Variants in CELF2 observed in about 807,000 individuals in gnomAD.
CELF2 encodes CUG triplet repeat RNA-binding protein 2.
Under a neutral mutation model 62.6 loss-of-function variants are expected in CELF2, and 8 were observed. The observed-to-expected ratio is 0.13, with a 90% CI of 0.07 to 0.23. The LOEUF (loss-of-function observed/expected upper bound fraction) is 0.23. Among genes scored for constraint, CELF2 ranks in the 10% least tolerant of loss-of-function variants. The pLI is 1.00. For missense variants in CELF2, 333 were observed against 671.0 expected (o/e 0.50, Z 5.56); for synonymous variants, 258 against 250.0 (o/e 1.03, Z -0.30).
intron 7 of CELF2, among the ~76,000 whole-genome samples, chr10:11,272,564 C>T (rs369261205): frequency 6.5e-4 from 99 of 152,342 alleles, no homozygotes; most frequent in African/African-American, 2.1e-3. Flanking sequence ...CAGAAATCTC[C>T]GGCACATGTT....
intron 2 of CELF2, among the ~76,000 whole-genome samples, chr10:11,193,436 G>C (rs1213084726): frequency 1.3e-5 from 2 of 152,180 alleles, no homozygotes; most frequent in African/African-American, 2.4e-5. Flanking sequence ...ACATTTAAAT[G>C]AGTACAGAAG....
rs570211496 is a variant in CELF2, at chr10:10,995,049, G to A, written c.89+75050G>A. Among the ~76,000 whole-genome samples the A allele has an allele frequency of 6.4e-4, 98 of 152,192 alleles. 1 individual carries two copies. Among genetic ancestry groups the A allele is most frequent in the African/African-American group, 1.5e-3 (64 of 41,532 alleles). Reference sequence around the variant, plus strand: ...ACCTGCCCTTCCTTGGAGCTCTTGCGGCCCATAAAATCCCACAGCATTAGA... The same window carrying A: ...ACCTGCCCTTCCTTGGAGCTCTTGCAGCCCATAAAATCCCACAGCATTAGA... On this transcript the variant is annotated intron_variant, in intron 2 of 13. Coordinates refer to the CELF2 transcript ENST00000636488. The surrounding 1 kb of genome is among the most constrained non-coding windows in gnomAD (Gnocchi z 4.7).
At chr10:10,629,401 C>T in the CELF2 span, among the ~76,000 whole-genome samples, 1 of 152,190 alleles carries the variant, frequency 6.6e-6, no homozygotes, top group Non-Finnish European at 1.5e-5. Flanking sequence ...CACCCCTATT[C>T]TTGAAGCCCA....
chr10:10,780,284 T>A, the CELF2 span, among the ~76,000 whole-genome samples: 918 of 152,288 alleles, frequency 6.0e-3, 5 homozygotes, highest in Middle Eastern at 0.014. Context: ...TCTGTGCATA[T>A]GACTATCTGG....
the CELF2 span, among the ~76,000 whole-genome samples, chr10:10,767,662 T>C: frequency 6.6e-6 from 1 of 152,216 alleles, no homozygotes; most frequent in Non-Finnish European, 1.5e-5. Context: ...TATGAATCAC[T>C]TCATCTTCAG....
chr10:10,657,704 C>T, the CELF2 span, among the ~76,000 whole-genome samples: 36 of 152,030 alleles, frequency 2.4e-4, no homozygotes, highest in African/African-American at 8.7e-4. Flanking sequence ...AAGGAGGGGC[C>T]CAAGGATTTG....
intron 1 of CELF2, among the ~76,000 whole-genome samples, chr10:11,124,867 A>G (rs1260701243): frequency 1.3e-5 from 2 of 152,314 alleles, no homozygotes; most frequent in East Asian, 3.8e-4. Flanking sequence ...TGATTCACAT[A>G]TGCTTATATA....
chr10:10,945,663 G>A (rs1416399923), intron 2 of CELF2, among the ~76,000 whole-genome samples: 2 of 152,172 alleles, frequency 1.3e-5, no homozygotes, highest in Non-Finnish European at 2.9e-5. Context: ...AGAGCTCCGG[G>A]AGCCCCTCTC....
At chr10:11,018,829 C>T (rs1047054371) in intron 1 of CELF2, 1 of 152,180 alleles carries the variant, frequency 6.6e-6, no homozygotes, top group African/African-American at 2.4e-5. Flanking sequence ...ATTACCCGCT[C>T]ATCTGATTTA....
At chr10:11,114,699 T>C (rs911029690) in intron 1 of CELF2, among the ~76,000 whole-genome samples, 3 of 152,236 alleles carry the variant, frequency 2.0e-5, no homozygotes, top group African/African-American at 4.8e-5. Flanking sequence ...CACAGCACTT[T>C]AGTTCTTTTG....
At chr10:10,982,353 A>G (rs1339976925) in intron 2 of CELF2, among the ~76,000 whole-genome samples, 1 of 152,100 alleles carries the variant, frequency 6.6e-6, no homozygotes, top group Non-Finnish European at 1.5e-5. Context: ...TCTTACAGTT[A>G]CCCCAAACCC....
chr10:10,751,169 C>T, the CELF2 span, among the ~76,000 whole-genome samples: 2 of 152,178 alleles, frequency 1.3e-5, no homozygotes, highest in African/African-American at 2.4e-5. Context: ...GGGAGCAAAA[C>T]CTTTCTGGGA....
chr10:11,276,350 G>A (rs10795857), intron 8 of CELF2, among the ~76,000 whole-genome samples: 127,326 of 152,210 alleles, frequency 0.84, 55,692 homozygotes, highest in East Asian at 0.96. Context: ...ACCTGGTTCC[G>A]TTGTAACATA....
chr10:10,707,344 C>A, the CELF2 span, among the ~76,000 whole-genome samples: 1 of 152,080 alleles, frequency 6.6e-6, no homozygotes, highest in African/African-American at 2.4e-5. Flanking sequence ...CTCTGAGGAA[C>A]TTTTTATTAT....
In CELF2 at chr10:11,211,773, AGTGT is replaced by A. The variant is rs899369914; in HGVS notation, c.272-5645_272-5642del. On this transcript the variant is annotated intron_variant, in intron 2 of 12. Coordinates refer to ENST00000633077, the MANE Select transcript of CELF2 (RefSeq NM_001326342.2). The surrounding 1 kb of genome is among the most constrained non-coding windows in gnomAD (Gnocchi z 4.8). ...ACACTACTGTGTGTGAGTGAGTGAGAGTGTGTGTGTATGTGTGTGAGAGAGAGAG... is the reference window on the plus strand; with the variant it reads ...ACACTACTGTGTGTGAGTGAGTGAGAGTGTGTATGTGTGTGAGAGAGAGAG... Among the ~76,000 whole-genome samples the A allele has an allele frequency of 7.0e-6, 1 of 143,848 alleles. No individual in the cohort carries two copies. Among genetic ancestry groups the A allele is most frequent in the South Asian group, 2.4e-4 (1 of 4,178 alleles). The allele number at this position is 143,848 out of a possible 152,430, so 94.4% of individuals were successfully genotyped here.
At chr10:10,712,811 C>T in the CELF2 span, among the ~76,000 whole-genome samples, 4 of 152,234 alleles carry the variant, frequency 2.6e-5, no homozygotes, top group Admixed American at 2.0e-4. Flanking sequence ...TCCACCACCA[C>T]TCACCTTCTC....
chr10:10,790,793 C>A, the CELF2 span, among the ~76,000 whole-genome samples: 2 of 152,054 alleles, frequency 1.3e-5, no homozygotes, highest in African/African-American at 4.8e-5. Flanking sequence ...TTCAATCATC[C>A]AATTGAATGA....
intron 1 of CELF2, among the ~76,000 whole-genome samples, chr10:11,050,514 G>GCAA (rs1479496181): frequency 6.6e-6 from 1 of 152,192 alleles, no homozygotes; most frequent in East Asian, 1.9e-4. Flanking sequence ...CTGGACTGTA[G>GCAA]CAGCTCCTGC....
rs546319247 is a variant in CELF2, at chr10:11,205,126, G to C, written c.272-12299G>C. 5.9e-5 allele frequency among the ~76,000 whole-genome samples: 9 copies of C among 152,284 alleles called. 1 individual carries two copies. The highest frequency in any genetic ancestry group is 5.9e-4 in the Admixed American group (9 of 15,306). ...AAATGGATGTTCAGAGTATTCAAAGGCCATGCGAATGGGTGAACTCTGCTA... is the reference window on the plus strand; with the variant it reads ...AAATGGATGTTCAGAGTATTCAAAGCCCATGCGAATGGGTGAACTCTGCTA... On this transcript the variant is annotated intron_variant, in intron 2 of 12. Transcript: ENST00000633077.
Sources: gnomAD v4.1 joint callset for allele counts (sites outside exome capture counted in the v4.1 genomes callset) on GRCh38, gnomAD v4.1.1 for gene constraint, Gnocchi (gnomAD v3.1) non-coding constraint, MANE v1.5 for transcripts, NCBI Gene and HGNC (gene_info 2026-07-23, HGNC 2026-07-21) for gene names.